The following RBFOX1 variants were observed in gnomAD, a reference collection of about 807,000 sequenced individuals.
The protein encoded by RBFOX1 is RNA binding fox-1 homolog 1, also known as RNA binding protein fox-1 homolog 1.
Under a neutral mutation model 57.7 loss-of-function variants are expected in RBFOX1, and 8 were observed. That is an observed-to-expected ratio of 0.14 (90% CI 0.08 to 0.25). RBFOX1 has a LOEUF of 0.25. RBFOX1 is among the 10% of genes least tolerant of loss of function. The probability of loss-of-function intolerance (pLI) is 1.00; values close to 1 mark genes in which losing one functional copy is unlikely to be tolerated. For synonymous variants in RBFOX1, 326 were observed against 222.4 expected (o/e 1.47, Z -4.15); for missense variants, 611 against 548.5 (o/e 1.11, Z -1.14).
chr16:5,955,361 TAAAA>T (rs1567187916), intron 4 of RBFOX1, among the ~76,000 whole-genome samples: 4 of 23,792 alleles, frequency 1.7e-4, no homozygotes, highest in African/African-American at 8.6e-4. Context: ...TAAATAAAAA[TAAAA>T]TAAAATAAAA....
At chr16:6,133,393 C>T (rs890762514) in intron 1 of RBFOX1, among the ~76,000 whole-genome samples, 3 of 152,172 alleles carry the variant, frequency 2.0e-5, no homozygotes, top group Non-Finnish European at 2.9e-5. Flanking sequence ...TGGCACTGAA[C>T]ACAGGGTTCT....
intron 3 of RBFOX1, among the ~76,000 whole-genome samples, chr16:6,775,151 C>A (rs1253104172): frequency 8.1e-5 from 12 of 148,924 alleles, no homozygotes; most frequent in African/African-American, 3.0e-4. Context: ...TGGTGAAACC[C>A]CGTCTCTACT....
At chr16:7,458,001 G>T (rs1473068455) in intron 4 of RBFOX1, among the ~76,000 whole-genome samples, 1 of 152,010 alleles carries the variant, frequency 6.6e-6, no homozygotes, top group African/African-American at 2.4e-5. Flanking sequence ...TCCTACCCTG[G>T]TGCCTGCTTG....
intron 3 of RBFOX1, among the ~76,000 whole-genome samples, chr16:6,998,935 C>G (rs937331118): frequency 6.6e-6 from 1 of 150,992 alleles, no homozygotes; most frequent in Non-Finnish European, 1.5e-5. Flanking sequence ...GTGGCACGAT[C>G]TAGGCTCACT....
At chr16:6,971,942 C>G (rs531606091) in intron 3 of RBFOX1, among the ~76,000 whole-genome samples, 142 of 152,136 alleles carry the variant, frequency 9.3e-4, no homozygotes, top group African/African-American at 3.1e-3. Flanking sequence ...ACTTGAGATG[C>G]GGGAGAATGT....
chr16:6,693,727 A>ATCATCC, intron 3 of RBFOX1, among the ~76,000 whole-genome samples: 1 of 151,536 alleles, frequency 6.6e-6, no homozygotes, highest in East Asian at 2.0e-4. Context: ...CATCACCACC[A>ATCATCC]TCATCCTCAT....
intron 4 of RBFOX1, among the ~76,000 whole-genome samples, chr16:7,108,999 C>G (rs1241632781): frequency 6.6e-6 from 1 of 152,036 alleles, no homozygotes; most frequent in Non-Finnish European, 1.5e-5. Flanking sequence ...TTGCATTTGT[C>G]AATGGGATGG....
intron 4 of RBFOX1, among the ~76,000 whole-genome samples, chr16:7,165,455 G>A (rs1601605634): frequency 6.7e-6 from 1 of 148,898 alleles, no homozygotes; most frequent in African/African-American, 2.5e-5. Context: ...TTGAGATGGA[G>A]TTTCGCTCTT....
At chr16:6,222,786 G>T (rs1249929907) in intron 1 of RBFOX1, among the ~76,000 whole-genome samples, 3 of 151,426 alleles carry the variant, frequency 2.0e-5, no homozygotes, top group Non-Finnish European at 4.4e-5. Flanking sequence ...GTGCCATGGT[G>T]GTGTGCTGCA....
chr16:6,347,339 C>T (rs537315400), intron 2 of RBFOX1, among the ~76,000 whole-genome samples: 1 of 152,298 alleles, frequency 6.6e-6, no homozygotes, highest in South Asian at 2.1e-4. Context: ...TTCATGTGTG[C>T]TGCATACTAT....
In RBFOX1 at chr16:5,851,923, C is replaced by T. The variant is rs577534497; in HGVS notation, c.319-15380C>T. On this transcript the variant is annotated intron_variant, in intron 3 of 19. Transcript: ENST00000641259. ...CAACATTGGCTGGAGAGCAGAGGCT[C>T]CATCATTAGAGGCACCCGAATTAAA... Among the ~76,000 whole-genome samples, 16 of 152,206 alleles carry T rather than the reference C, an allele frequency of 1.1e-4. No individual in the cohort carries two copies. In the South Asian group the frequency reaches 2.9e-3, roughly 28 times the overall value.
At chr16:6,292,321 G>A (rs1039003164) in intron 1 of RBFOX1, among the ~76,000 whole-genome samples, 5 of 151,746 alleles carry the variant, frequency 3.3e-5, no homozygotes, top group African/African-American at 9.7e-5. Flanking sequence ...CAACTGTCTG[G>A]TGGAACTACC....
At chr16:7,322,225 G>C (rs1229666908) in intron 4 of RBFOX1, among the ~76,000 whole-genome samples, 1 of 152,222 alleles carries the variant, frequency 6.6e-6, no homozygotes, top group African/African-American at 2.4e-5. Flanking sequence ...GGGAATGAAA[G>C]ATGTGTTTTG....
At chr16:7,346,868 C>T (rs1051267254) in intron 4 of RBFOX1, among the ~76,000 whole-genome samples, 3 of 152,068 alleles carry the variant, frequency 2.0e-5, no homozygotes, top group Non-Finnish European at 2.9e-5. Context: ...ATCCCTTTGG[C>T]TGAAGGAACA....
chr16:5,345,742 C>T (rs1021414737), intron 1 of RBFOX1, among the ~76,000 whole-genome samples: 2 of 152,140 alleles, frequency 1.3e-5, no homozygotes, highest in Non-Finnish European at 2.9e-5. Context: ...GTGGTGGCAC[C>T]TGATGGGTTA....
chr16:6,122,830 G>A (rs563084358), intron 1 of RBFOX1, among the ~76,000 whole-genome samples: 1 of 149,138 alleles, frequency 6.7e-6, no homozygotes, highest in Admixed American at 6.8e-5. Flanking sequence ...GTGTGTGTGT[G>A]TATAAAATAT....
intron 4 of RBFOX1, among the ~76,000 whole-genome samples, chr16:5,928,880 T>C (rs2058989896): frequency 6.6e-6 from 1 of 152,010 alleles, no homozygotes; most frequent in Non-Finnish European, 1.5e-5. Flanking sequence ...GAACAGCCTC[T>C]GTGACAGCCC....
At chr16:7,237,609 T>C (rs1217968263) in intron 4 of RBFOX1, among the ~76,000 whole-genome samples, 1 of 152,230 alleles carries the variant, frequency 6.6e-6, no homozygotes, top group African/African-American at 2.4e-5. Context: ...TATAGGTGAC[T>C]TTAGAAAGTA....
chr16:7,515,587 A>G (rs1303204034), intron 4 of RBFOX1, among the ~76,000 whole-genome samples: 1 of 152,156 alleles, frequency 6.6e-6, no homozygotes, highest in Non-Finnish European at 1.5e-5. Context: ...CAAAACATCA[A>G]GTTATACACC....
Sources: allele counts gnomAD v4.1 joint callset (sites outside exome capture counted in the v4.1 genomes callset), GRCh38; gene constraint gnomAD v4.1.1; transcripts MANE v1.5; gene names NCBI Gene and HGNC (gene_info 2026-07-23, HGNC 2026-07-21).